Variants in TP63 observed in about 807,000 individuals in gnomAD.
TP63 encodes the protein tumor protein p63, also known as tumor protein 63.
Under a neutral mutation model 82.8 loss-of-function variants are expected in TP63, and 17 were observed. The ratio of observed to expected loss-of-function variants is 0.21; its 90% CI spans 0.14 to 0.31. The LOEUF is 0.31. Ranked by LOEUF, TP63 falls within the 10% of genes least tolerant of loss-of-function variation. The probability of loss-of-function intolerance (pLI) is 1.00; values close to 1 mark genes in which losing one functional copy is unlikely to be tolerated. For synonymous variants in TP63, 330 were observed against 321.7 expected (o/e 1.03, Z -0.28); for missense variants, 648 against 895.3 (o/e 0.72, Z 3.52).
intron 4 of TP63, among the ~76,000 whole-genome samples, chr3:189,859,780 T>C (rs79038157): frequency 0.03 from 4,493 of 152,248 alleles, 223 homozygotes; most frequent in African/African-American, 0.1. Flanking sequence ...ATGGAAATAA[T>C]TGGTGAGTTG....
At chr3:189,880,266 T>C in intron 10 of TP63, 3 of 1,439,438 alleles carry the variant, frequency 2.1e-6, no homozygotes, top group Non-Finnish European at 2.8e-6. Context: ...CGTGTGTATC[T>C]AGCCCTCATA....
At chr3:189,848,894 G>A (rs572536168) in intron 4 of TP63, among the ~76,000 whole-genome samples, 1 of 152,242 alleles carries the variant, frequency 6.6e-6, no homozygotes, top group African/African-American at 2.4e-5. Context: ...GTATGCTAAT[G>A]CTGGCTCATG....
chr3:189,671,266 C>CA (rs568956942), intron 1 of TP63, among the ~76,000 whole-genome samples: 8 of 151,788 alleles, frequency 5.3e-5, no homozygotes, highest in Admixed American at 1.3e-4. Flanking sequence ...TACAAACTTA[C>CA]AAAAAATATA....
At chr3:189,842,491 TCTGCCCATC>T (rs1714275295) in intron 4 of TP63, among the ~76,000 whole-genome samples, 1 of 152,242 alleles carries the variant, frequency 6.6e-6, no homozygotes, top group Non-Finnish European at 1.5e-5. Flanking sequence ...GTAAGAGTTC[TCTGCCCATC>T]CAGGGTTTCT....
intron 1 of TP63, among the ~76,000 whole-genome samples, chr3:189,674,419 C>G (rs554011929): frequency 1.5e-4 from 23 of 151,826 alleles, no homozygotes; most frequent in Admixed American, 6.6e-5. Context: ...TTTATTCAGG[C>G]GATGATCCAG....
At chr3:189,687,099 G>C (rs536881536) in intron 1 of TP63, among the ~76,000 whole-genome samples, 2 of 151,962 alleles carry the variant, frequency 1.3e-5, no homozygotes, top group South Asian at 4.2e-4. Flanking sequence ...TTGAAAATTA[G>C]CACTCTAGAT....
chr3:189,798,072 T>C (rs1411478021), intron 3 of TP63, among the ~76,000 whole-genome samples: 1 of 152,058 alleles, frequency 6.6e-6, no homozygotes, highest in Admixed American at 6.6e-5. Context: ...GTGTTATGCT[T>C]ATCTCTGTAT....
chr3:189,821,449 CT>C (rs1728784160), intron 4 of TP63, among the ~76,000 whole-genome samples: 1 of 152,196 alleles, frequency 6.6e-6, no homozygotes, highest in Non-Finnish European at 1.5e-5. Context: ...ACTTTGTCAT[CT>C]TTTGTCACTG....
At chr3:189,697,192 G>T (rs1577258553) in intron 1 of TP63, among the ~76,000 whole-genome samples, 3 of 142,206 alleles carry the variant, frequency 2.1e-5, no homozygotes, top group Non-Finnish European at 3.0e-5. Flanking sequence ...TCCATTTTAA[G>T]TTAATTTTTG....
At chr3:189,894,135 G>A (rs1244028854) in intron 13 of TP63, 71 bp from the exon 14 acceptor site, 1 of 1,558,292 alleles carries the variant, frequency 6.4e-7, no homozygotes, top group Non-Finnish European at 8.8e-7. Flanking sequence ...GGGAATGATA[G>A]GATGCTGTGG....
At chr3:189,767,241 T>C (rs1337520944) in intron 3 of TP63, among the ~76,000 whole-genome samples, 1 of 152,182 alleles carries the variant, frequency 6.6e-6, no homozygotes, top group African/African-American at 2.4e-5. Flanking sequence ...TTTTCCTTTT[T>C]TATTTTATTT....
rs763553358 is a variant in TP63, at chr3:189,649,428, C to T, written c.62+17851C>T. On this transcript the variant is annotated intron_variant, in intron 1 of 13. Coordinates refer to ENST00000264731, the MANE Select transcript of TP63 (RefSeq NM_003722.5). Reference sequence around the variant, plus strand: ...ATAAGTGGAAACTAAATGATGAGAACGCGTGGACACAGAAATGGAAACAAC... The same window carrying T: ...ATAAGTGGAAACTAAATGATGAGAATGCGTGGACACAGAAATGGAAACAAC... 5.7e-4 allele frequency among the ~76,000 whole-genome samples: 84 copies of T among 146,412 alleles called. 7 individuals carry two copies. The highest frequency in any genetic ancestry group is 1.4e-3 in the South Asian group (6 of 4,428).
chr3:189,865,320 G>A (rs1423380220), intron 5 of TP63, among the ~76,000 whole-genome samples: 1 of 152,192 alleles, frequency 6.6e-6, no homozygotes, highest in Non-Finnish European at 1.5e-5. Flanking sequence ...GTATCATGAA[G>A]GCCACCTTTA....
chr3:189,774,072 A>G (rs1313918957), intron 3 of TP63, among the ~76,000 whole-genome samples: 17 of 151,094 alleles, frequency 1.1e-4, no homozygotes, highest in South Asian at 8.3e-4. Flanking sequence ...ACAGGTATCC[A>G]CCACCACGCC....
intron 1 of TP63, among the ~76,000 whole-genome samples, chr3:189,667,885 A>G (rs987721997): frequency 1.3e-5 from 2 of 152,116 alleles, no homozygotes; most frequent in African/African-American, 4.8e-5. Context: ...GCATCTATAG[A>G]AAATACATAA....
At chr3:189,802,687 C>T (rs1726441789) in intron 3 of TP63, among the ~76,000 whole-genome samples, 1 of 152,182 alleles carries the variant, frequency 6.6e-6, no homozygotes, top group South Asian at 2.1e-4. Context: ...AATTCTTTTG[C>T]ATCACTAGGA....
intron 1 of TP63, among the ~76,000 whole-genome samples, chr3:189,719,093 G>C (rs1398243417): frequency 1.3e-5 from 2 of 151,822 alleles, no homozygotes; most frequent in African/African-American, 4.8e-5. Flanking sequence ...ATAGCAGCAA[G>C]AACAAAACTC....
At chr3:189,889,098 G>T (rs1164610578) in intron 11 of TP63, among the ~76,000 whole-genome samples, 1 of 152,172 alleles carries the variant, frequency 6.6e-6, no homozygotes, top group Non-Finnish European at 1.5e-5. Flanking sequence ...GCAGAGAAAG[G>T]GGAGGAAAGA....
chr3:189,869,501 G>A, intron 9 of TP63, 95 bp downstream of exon 9: 1 of 1,129,200 alleles, frequency 8.9e-7, no homozygotes, highest in Non-Finnish European at 1.3e-6. Flanking sequence ...TGTGACAATG[G>A]GAAAGGAGGT....
Sources: allele counts gnomAD v4.1 joint callset (sites outside exome capture counted in the v4.1 genomes callset), GRCh38; gene constraint gnomAD v4.1.1; transcripts MANE v1.5; gene names NCBI Gene and HGNC (gene_info 2026-07-23, HGNC 2026-07-21).